The following PSD3 variants were observed in gnomAD, a reference collection of about 807,000 sequenced individuals.
PSD3 encodes pleckstrin and Sec7 domain containing 3.
A neutral mutation model predicts 105.5 loss-of-function variants in PSD3; 49 were observed. That is an observed-to-expected ratio of 0.46 (90% confidence interval 0.37 to 0.59). The LOEUF (loss-of-function observed/expected upper bound fraction) is 0.59, where lower values mean the gene tolerates loss of function less well. Among genes scored for constraint, PSD3 ranks in the 20% least tolerant of loss-of-function variants. The probability of loss-of-function intolerance (pLI) is 0.00; values close to 1 mark genes in which losing one functional copy is unlikely to be tolerated. For synonymous variants in PSD3, 557 were observed against 457.8 expected (o/e 1.22, Z -2.77); for missense variants, 1,561 against 1,263.8 (o/e 1.24, Z -3.57).
At chr8:18,939,438 G>C (rs1822375777) in intron 1 of PSD3, among the ~76,000 whole-genome samples, 1 of 151,744 alleles carries the variant, frequency 6.6e-6, no homozygotes, top group Non-Finnish European at 1.5e-5. Context: ...TTGGAAATAT[G>C]TATACTCGTC....
chr8:18,544,171 C>CAAAAAAAAAAA (rs201016537), intron 15 of PSD3, among the ~76,000 whole-genome samples: 34 of 106,694 alleles, frequency 3.2e-4, no homozygotes, highest in South Asian at 7.5e-4. Context: ...AGAAACAAAC[C>CAAAAAAAAAAA]AAAAAAAAAA....
intron 4 of PSD3, among the ~76,000 whole-genome samples, chr8:18,851,310 T>C (rs539074196): frequency 4.5e-4 from 68 of 152,314 alleles, no homozygotes; most frequent in African/African-American, 1.6e-3. Flanking sequence ...TCCAACTCCA[T>C]ATTCAGCACC....
chr8:18,673,136 T>C (rs1027710113), intron 9 of PSD3, among the ~76,000 whole-genome samples: 7 of 152,004 alleles, frequency 4.6e-5, no homozygotes, highest in African/African-American at 1.7e-4. Context: ...ATATGATCTA[T>C]TGACTTTCAA....
intron 1 of PSD3, among the ~76,000 whole-genome samples, chr8:18,985,300 C>A (rs751624270): frequency 6.6e-6 from 1 of 152,238 alleles, no homozygotes; most frequent in African/African-American, 2.4e-5. Flanking sequence ...AAACACTATA[C>A]CTCCTGTAAA....
At chr8:18,640,901 G>C (rs1807596518) in intron 10 of PSD3, among the ~76,000 whole-genome samples, 1 of 152,128 alleles carries the variant, frequency 6.6e-6, no homozygotes, top group Non-Finnish European at 1.5e-5. Context: ...CTTACTATGT[G>C]GCAAACCCAG....
intron 4 of PSD3, 96 bp from the exon 5 acceptor site, chr8:18,804,994 G>C: frequency 9.4e-7 from 1 of 1,069,374 alleles, no homozygotes; most frequent in South Asian, 1.6e-5. Flanking sequence ...TTTTAGTTCA[G>C]CTACACTTAG....
chr8:18,870,461 A>G (rs192970095), intron 3 of PSD3, among the ~76,000 whole-genome samples: 1 of 152,070 alleles, frequency 6.6e-6, no homozygotes, highest in Non-Finnish European at 1.5e-5. Context: ...CATAAATCTC[A>G]TAAGTAGGAG....
chr8:19,029,365 C>T (rs1827677587), intron 1 of PSD3, among the ~76,000 whole-genome samples: 1 of 152,110 alleles, frequency 6.6e-6, no homozygotes, highest in Non-Finnish European at 1.5e-5. Flanking sequence ...ATAGTACTTG[C>T]ACATTGTATT....
At chr8:18,832,011 T>C (rs1162271366) in intron 4 of PSD3, among the ~76,000 whole-genome samples, 1 of 152,196 alleles carries the variant, frequency 6.6e-6, no homozygotes, top group African/African-American at 2.4e-5. Flanking sequence ...ACTGGAACCA[T>C]CCAGGCTCAC....
intron 9 of PSD3, among the ~76,000 whole-genome samples, chr8:18,665,569 A>G (rs535771171): frequency 2.6e-3 from 389 of 152,370 alleles, no homozygotes; most frequent in African/African-American, 9.0e-3. Flanking sequence ...AGAATATGAA[A>G]TAAACATAGT....
chr8:18,796,023 T>C (rs1810145288), intron 8 of PSD3, among the ~76,000 whole-genome samples: 1 of 152,168 alleles, frequency 6.6e-6, no homozygotes, highest in Non-Finnish European at 1.5e-5. Flanking sequence ...AAACAAATTA[T>C]ATAGCAAATT....
At chr8:18,539,547 CT>C (rs547299808) in intron 15 of PSD3, among the ~76,000 whole-genome samples, 15,406 of 133,770 alleles carry the variant, frequency 0.12, 1,140 homozygotes, top group African/African-American at 0.25. Context: ...TAGTAAATTA[CT>C]TTTTTTTTTT....
intron 1 of PSD3, among the ~76,000 whole-genome samples, chr8:19,035,360 C>G (rs1827905690): frequency 1.3e-5 from 2 of 152,134 alleles, no homozygotes. Flanking sequence ...GTTGGTAAAG[C>G]ACTATGAACA....
intron 4 of PSD3, among the ~76,000 whole-genome samples, chr8:18,824,223 C>T (rs961801620): frequency 2.6e-5 from 4 of 152,136 alleles, no homozygotes; most frequent in African/African-American, 9.7e-5. Context: ...GTCAATTTTC[C>T]AAAGACACAA....
chr8:18,973,627 A>C (rs1013560519), intron 1 of PSD3, among the ~76,000 whole-genome samples: 1 of 152,202 alleles, frequency 6.6e-6, no homozygotes, highest in Admixed American at 6.5e-5. Flanking sequence ...GAACTTGAAC[A>C]TGTGAATTTT....
intron 12 of PSD3, among the ~76,000 whole-genome samples, chr8:18,594,824 G>C (rs1288244125): frequency 2.0e-5 from 3 of 151,858 alleles, no homozygotes; most frequent in Non-Finnish European, 4.4e-5. Flanking sequence ...CACTTCATTG[G>C]CATAGATTCA....
At chr8:18,906,479 C>G (rs1819856093) in intron 2 of PSD3, among the ~76,000 whole-genome samples, 1 of 152,096 alleles carries the variant, frequency 6.6e-6, no homozygotes. Context: ...AGGAATATTA[C>G]CAAAGACTTA....
intron 2 of PSD3, among the ~76,000 whole-genome samples, chr8:18,892,702 G>A (rs1244732696): frequency 6.8e-6 from 1 of 147,918 alleles, no homozygotes; most frequent in African/African-American, 2.5e-5. Context: ...TTGGCTCACT[G>A]CAATCTCTGC....
At chr8:18,669,399 CA>C (rs572186850) in intron 9 of PSD3, among the ~76,000 whole-genome samples, 179 of 152,130 alleles carry the variant, frequency 1.2e-3, no homozygotes, top group Non-Finnish European at 2.0e-3. Context: ...AAGAAATTAA[CA>C]ATAACTAATA....
Sources: gnomAD v4.1 joint callset for allele counts (sites outside exome capture counted in the v4.1 genomes callset) on GRCh38, gnomAD v4.1.1 for gene constraint, MANE v1.5 for transcripts, NCBI Gene and HGNC (gene_info 2026-07-23, HGNC 2026-07-21) for gene names.